ATG10: variants seen among roughly 807,000 people sequenced by gnomAD.
ATG10 encodes the protein autophagy related 10, also known as ubiquitin-like-conjugating enzyme ATG10.
ATG10 carries 30 observed loss-of-function variants against 32.1 expected under a neutral mutation model. The observed-to-expected ratio is 0.94, with a 90% CI of 0.70 to 1.27. The LOEUF (loss-of-function observed/expected upper bound fraction) is 1.27, where lower values mean the gene tolerates loss of function less well. Ranked by LOEUF, ATG10 falls within the 50% of genes most tolerant of loss-of-function variation. The probability of loss-of-function intolerance (pLI) is 0.00; values close to 1 mark genes in which losing one functional copy is unlikely to be tolerated. For missense variants in ATG10, 233 were observed against 262.3 expected, an observed-to-expected ratio of 0.89 and a Z score of 0.77; for synonymous variants, 87 against 91.5, an observed-to-expected ratio of 0.95 and a Z score of 0.28.
chr5:82,010,208 A>G (rs1762092155), intron 2 of ATG10: 4 of 826,148 alleles, frequency 4.8e-6, no homozygotes, highest in Admixed American at 2.5e-5. Context: ...TCTGATTATG[A>G]ATATCTGTAA....
intron 2 of ATG10, among the ~76,000 whole-genome samples, chr5:82,031,181 G>A (rs1001464943): frequency 6.6e-6 from 1 of 152,154 alleles, no homozygotes; most frequent in African/African-American, 2.4e-5. Flanking sequence ...AGTCATGTGA[G>A]TAAGGACTCC....
chr5:82,122,027 C>A (rs562607473), intron 3 of ATG10, among the ~76,000 whole-genome samples: 2 of 150,348 alleles, frequency 1.3e-5, no homozygotes, highest in East Asian at 3.9e-4. Flanking sequence ...AGAGGAGTCC[C>A]ACCTCAATTT....
chr5:82,083,147 C>T (rs1013650319), intron 3 of ATG10, among the ~76,000 whole-genome samples: 1 of 152,190 alleles, frequency 6.6e-6, no homozygotes, highest in African/African-American at 2.4e-5. Context: ...CTGTGCTTTT[C>T]CAAGGGTCTT....
chr5:82,019,508 A>C (rs997852027), intron 2 of ATG10, among the ~76,000 whole-genome samples: 43 of 152,298 alleles, frequency 2.8e-4, no homozygotes, highest in African/African-American at 1.0e-3. Context: ...TCTACTAGCC[A>C]CTGGGGCCAG....
chr5:82,236,602 A>G (rs1440269222), intron 5 of ATG10, among the ~76,000 whole-genome samples: 1 of 152,148 alleles, frequency 6.6e-6, no homozygotes, highest in African/African-American at 2.4e-5. Flanking sequence ...GTGGTATCTG[A>G]GAATTATTGC....
intron 3 of ATG10, among the ~76,000 whole-genome samples, chr5:82,156,340 C>T (rs1254342888): frequency 6.6e-6 from 1 of 152,144 alleles, no homozygotes; most frequent in East Asian, 1.9e-4. Flanking sequence ...TCACCAGGAA[C>T]ACTGCTTATA....
At chr5:82,072,664 A>G (rs1055124498) in intron 3 of ATG10, among the ~76,000 whole-genome samples, 1 of 152,202 alleles carries the variant, frequency 6.6e-6, no homozygotes, top group Non-Finnish European at 1.5e-5. Context: ...TTAAAAATGA[A>G]ATTTTAATTG....
At chr5:82,067,808 C>A (rs1016047733) in intron 3 of ATG10, among the ~76,000 whole-genome samples, 1 of 152,148 alleles carries the variant, frequency 6.6e-6, no homozygotes, top group Non-Finnish European at 1.5e-5. Flanking sequence ...TGTAAAGATA[C>A]GTGCCACAGC....
intron 5 of ATG10, among the ~76,000 whole-genome samples, chr5:82,241,853 C>T (rs1218479063): frequency 6.6e-6 from 1 of 151,764 alleles, no homozygotes; most frequent in Non-Finnish European, 1.5e-5. Context: ...GAAAAAAAAA[C>T]CTCCCCAGAA....
At chr5:82,061,777 C>CATAT (rs1471634698) in intron 3 of ATG10, among the ~76,000 whole-genome samples, 6 of 70,144 alleles carry the variant, frequency 8.6e-5, no homozygotes, top group African/African-American at 2.6e-4. Flanking sequence ...TATACATGTA[C>CATAT]ACATATATAT....
At position 82,164,916 on chromosome 5, in the gene ATG10, C is replaced by T. The variant is rs76639394; in HGVS notation, c.355+379C>T. Among the ~76,000 whole-genome samples, 4 of 152,338 alleles carry T rather than the reference C, an allele frequency of 2.6e-5. No individual in the cohort carries two copies. In the East Asian group the frequency reaches 7.7e-4, roughly 29 times the overall value. On this transcript the variant is annotated intron_variant, in intron 4 of 7. Coordinates refer to ENST00000282185, the MANE Select transcript of ATG10 (RefSeq NM_031482.5). ...AGATGATCCAATTAACTCAGAAGCT[C>T]CTGTGCCTCCTTCCCCAAAAGCTAA...
chr5:82,035,222 G>A (rs1011026135), intron 2 of ATG10, among the ~76,000 whole-genome samples: 9 of 152,070 alleles, frequency 5.9e-5, no homozygotes, highest in African/African-American at 2.2e-4. Context: ...AATTTATTTA[G>A]TTTTATTGCA....
At chr5:82,176,668 G>A (rs1744042377) in intron 4 of ATG10, among the ~76,000 whole-genome samples, 1 of 152,044 alleles carries the variant, frequency 6.6e-6, no homozygotes, top group Admixed American at 6.6e-5. Flanking sequence ...AGCAGAGTTT[G>A]GCCCTACTCT....
intron 3 of ATG10, among the ~76,000 whole-genome samples, chr5:82,096,491 G>A (rs144707135): frequency 6.1e-4 from 93 of 152,124 alleles, no homozygotes; most frequent in Non-Finnish European, 7.6e-4. Context: ...TTCTTTTGCT[G>A]CCCTCTAGCC....
intron 5 of ATG10, among the ~76,000 whole-genome samples, chr5:82,246,543 G>T (rs200794913): frequency 6.7e-6 from 1 of 149,520 alleles, no homozygotes; most frequent in African/African-American, 2.5e-5. Flanking sequence ...AAGAAAAAAA[G>T]AAAAAAAATT....
chr5:82,158,328 A>G (rs959650370), intron 3 of ATG10, among the ~76,000 whole-genome samples: 17 of 152,062 alleles, frequency 1.1e-4, no homozygotes, highest in African/African-American at 4.1e-4. Flanking sequence ...ATTACTCTTA[A>G]TATCAAATGA....
chr5:82,138,653 A>T (rs1278263309), intron 3 of ATG10, among the ~76,000 whole-genome samples: 4 of 152,046 alleles, frequency 2.6e-5, no homozygotes, highest in African/African-American at 9.7e-5. Context: ...AGCAGACTGG[A>T]GCTGTTTCCA....
chr5:82,208,244 A>T (rs372517514), intron 5 of ATG10, among the ~76,000 whole-genome samples: 1 of 136,880 alleles, frequency 7.3e-6, no homozygotes, highest in South Asian at 2.2e-4. Context: ...CAGCAAAAAA[A>T]GTTTCCTAAC....
chr5:82,119,018 A>C (rs1240122372), intron 3 of ATG10, among the ~76,000 whole-genome samples: 1 of 152,206 alleles, frequency 6.6e-6, no homozygotes, highest in East Asian at 1.9e-4. Context: ...GGAATATTCT[A>C]TCCTTTGTTT....
Sources: allele counts gnomAD v4.1 joint callset (sites outside exome capture counted in the v4.1 genomes callset), GRCh38; gene constraint gnomAD v4.1.1; transcripts MANE v1.5; gene names NCBI Gene and HGNC (gene_info 2026-07-23, HGNC 2026-07-21).